Variants in CATSPERT observed in about 807,000 individuals in gnomAD.
The protein encoded by CATSPERT is cation channel sperm-associated targeting subunit tau.
At chr2:201,570,523 T>C in the CATSPERT span, among the ~76,000 whole-genome samples, 1 of 152,220 alleles carries the variant, frequency 6.6e-6, no homozygotes, top group South Asian at 2.1e-4. Flanking sequence ...TACATGTAAC[T>C]TATTTAATCA....
At chr2:201,539,739 C>T in the CATSPERT span, among the ~76,000 whole-genome samples, 2 of 151,904 alleles carry the variant, frequency 1.3e-5, no homozygotes, top group Non-Finnish European at 1.5e-5. Flanking sequence ...CCCAGAGACA[C>T]AACAATATTG....
the CATSPERT span, among the ~76,000 whole-genome samples, chr2:201,583,772 G>A: frequency 6.6e-6 from 1 of 151,892 alleles, no homozygotes; most frequent in African/African-American, 2.4e-5. Context: ...GAAACAAAGC[G>A]CCACAAATGA....
the CATSPERT span, chr2:201,487,591 T>C: frequency 1.9e-6 from 3 of 1,599,660 alleles, no homozygotes; most frequent in Non-Finnish European, 2.6e-6. Flanking sequence ...TTTTATAATA[T>C]CACAAATGAG....
the CATSPERT span, among the ~76,000 whole-genome samples, chr2:201,580,607 GT>G: frequency 6.6e-6 from 1 of 152,276 alleles, no homozygotes; most frequent in African/African-American, 2.4e-5. Flanking sequence ...CTATGTTCAA[GT>G]TATTCTGAAG....
chr2:201,564,348 T>A, the CATSPERT span, among the ~76,000 whole-genome samples: 64,498 of 151,974 alleles, frequency 0.42, 14,319 homozygotes, highest in East Asian at 0.75. Flanking sequence ...CTCAAATTAG[T>A]TCTATAAATT....
At chr2:201,579,840 CTTCT>C in the CATSPERT span, among the ~76,000 whole-genome samples, 1 of 150,296 alleles carries the variant, frequency 6.7e-6, no homozygotes, top group African/African-American at 2.5e-5. Flanking sequence ...TTGGGTTACA[CTTCT>C]TTCTTTTTCT....
At chr2:201,612,857 C>T in the CATSPERT span, among the ~76,000 whole-genome samples, 512 of 152,270 alleles carry the variant, frequency 3.4e-3, 1 homozygote, top group African/African-American at 9.7e-3. Context: ...CACCCTAATA[C>T]TGCACTTTTC....
the CATSPERT span, among the ~76,000 whole-genome samples, chr2:201,511,435 A>G: frequency 6.6e-6 from 1 of 152,212 alleles, no homozygotes; most frequent in Non-Finnish European, 1.5e-5. Flanking sequence ...GCCCAAAGTT[A>G]TAGGACCATG....
At chr2:201,561,885 A>C in the CATSPERT span, among the ~76,000 whole-genome samples, 1 of 150,096 alleles carries the variant, frequency 6.7e-6, no homozygotes, top group Non-Finnish European at 1.5e-5. Context: ...AAAAAAAGGA[A>C]AGAAAAGGAA....
the CATSPERT span, among the ~76,000 whole-genome samples, chr2:201,490,226 T>C: frequency 1.3e-5 from 2 of 152,186 alleles, no homozygotes; most frequent in East Asian, 3.8e-4. Flanking sequence ...TGATATAGCA[T>C]GGTGGTGAAA....
At chr2:201,614,293 T>G in the CATSPERT span, among the ~76,000 whole-genome samples, 1 of 152,108 alleles carries the variant, frequency 6.6e-6, no homozygotes, top group Non-Finnish European at 1.5e-5. Context: ...GAAAAAATGT[T>G]AAGGACAGCC....
the CATSPERT span, among the ~76,000 whole-genome samples, chr2:201,559,256 C>G: frequency 1.3e-5 from 2 of 152,226 alleles, no homozygotes; most frequent in East Asian, 3.8e-4. Context: ...GCCAAGAGCC[C>G]ATGTCCAGGA....
chr2:201,563,085 G>T, the CATSPERT span, among the ~76,000 whole-genome samples: 7 of 150,306 alleles, frequency 4.7e-5, no homozygotes, highest in Admixed American at 1.3e-4. Context: ...CCTCCCAGTA[G>T]GGGCGGCCGG....
At chr2:201,520,714 C>G in the CATSPERT span, among the ~76,000 whole-genome samples, 1 of 151,856 alleles carries the variant, frequency 6.6e-6, no homozygotes, top group Non-Finnish European at 1.5e-5. Flanking sequence ...ATGGTGAAAC[C>G]CCATCTCTAC....
chr2:201,613,344 G>A, the CATSPERT span, among the ~76,000 whole-genome samples: 2 of 152,174 alleles, frequency 1.3e-5, no homozygotes, highest in Non-Finnish European at 2.9e-5. Context: ...GTGCCCCTCT[G>A]AGACAACGCT....
chr2:201,610,695 C>T, the CATSPERT span, among the ~76,000 whole-genome samples: 7 of 152,020 alleles, frequency 4.6e-5, no homozygotes, highest in Non-Finnish European at 1.0e-4. Flanking sequence ...CCCTAATGAA[C>T]ATAGATGCAA....
the CATSPERT span, chr2:201,601,887 G>T: frequency 6.4e-7 from 1 of 1,569,080 alleles, no homozygotes; most frequent in Non-Finnish European, 8.7e-7. Flanking sequence ...TAAACTGACT[G>T]AAAATAGAAT....
the CATSPERT span, chr2:201,495,940 T>G: frequency 1.9e-6 from 3 of 1,598,694 alleles, no homozygotes; most frequent in Non-Finnish European, 2.6e-6. Flanking sequence ...TGAAAGATGG[T>G]GAATTATATT....
At chr2:201,598,618 G>A in the CATSPERT span, among the ~76,000 whole-genome samples, 1 of 151,038 alleles carries the variant, frequency 6.6e-6, no homozygotes, top group Admixed American at 6.6e-5. Context: ...GTCTCACTTT[G>A]TTGCCCAGGC....
Sources: gnomAD v4.1 joint callset for allele counts (sites outside exome capture counted in the v4.1 genomes callset) on GRCh38, gnomAD v4.1.1 for gene constraint, MANE v1.5 for transcripts, NCBI Gene and HGNC (gene_info 2026-07-23, HGNC 2026-07-21) for gene names.